Variants in PTP4A1 observed in about 807,000 individuals in gnomAD.
The protein encoded by PTP4A1 is protein tyrosine phosphatase 4A1, also known as protein tyrosine phosphatase type IVA 1.
A neutral mutation model predicts 20.5 loss-of-function variants in PTP4A1; 9 were observed. The observed-to-expected ratio is 0.44, with a 90% CI of 0.26 to 0.77. The LOEUF is 0.77. Ranked by LOEUF, PTP4A1 falls within the 30% of genes least tolerant of loss-of-function variation. PTP4A1 has a pLI of 0.19. For synonymous variants in PTP4A1, 78 were observed against 67.4 expected (o/e 1.16, Z -0.77); for missense variants, 137 against 218.8 (o/e 0.63, Z 2.36).
At chr6:63,558,771 C>T (rs1776798876) in intron 3 of PTP4A1, among the ~76,000 whole-genome samples, 1 of 152,174 alleles carries the variant, frequency 6.6e-6, no homozygotes, top group Admixed American at 6.5e-5. Flanking sequence ...AGGAAATATT[C>T]TTTAAAATAC....
intron 2 of PTP4A1, chr6:63,549,076 T>A (rs1017267981): frequency 8.4e-6 from 6 of 714,250 alleles, no homozygotes. Flanking sequence ...TCTAGCAAGG[T>A]GGTGATGGTG....
intron 5 of PTP4A1, 40 bp from the exon 6 acceptor site, chr6:63,580,017 G>A: frequency 7.0e-7 from 1 of 1,434,264 alleles, no homozygotes; most frequent in Non-Finnish European, 9.7e-7. Flanking sequence ...ACTGTAGGGG[G>A]CTTTTGCCTT....
In PTP4A1 at chr6:63,555,989, C is replaced by A. The variant is rs112692666; in HGVS notation, c.-446+5496C>A. ...TATAGGAGTGAGCCACCGTACCTGG[C>A]CTCAATTAAACTTTAATATTATTCA... On this transcript the variant is annotated intron_variant, in intron 3 of 3. Transcript: ENST00000639568. Among the ~76,000 whole-genome samples, 903 of 151,966 alleles carry A rather than the reference C, an allele frequency of 5.9e-3. 11 individuals are homozygous for A. Among genetic ancestry groups the A allele is most frequent in the African/African-American group, 0.02 (841 of 41,468 alleles).
chr6:63,563,513 G>C (rs1382845856), intron 3 of PTP4A1, among the ~76,000 whole-genome samples: 1 of 152,180 alleles, frequency 6.6e-6, no homozygotes, highest in Non-Finnish European at 1.5e-5. Flanking sequence ...ACTGTCTAAA[G>C]TAAGTCACCC....
chr6:63,554,613 C>A (rs1389428694), intron 3 of PTP4A1, among the ~76,000 whole-genome samples: 1 of 152,128 alleles, frequency 6.6e-6, no homozygotes, highest in African/African-American at 2.4e-5. Flanking sequence ...GCCTGGCCAA[C>A]ATGGTGAAAC....
chr6:63,528,772 C>A (rs1775306606), intron 2 of PTP4A1, among the ~76,000 whole-genome samples: 1 of 150,926 alleles, frequency 6.6e-6, no homozygotes, highest in African/African-American at 2.4e-5. Context: ...CAAAAAAAAG[C>A]AAGGTTTAAT....
At chr6:63,566,809 C>A (rs990117820) in intron 3 of PTP4A1, among the ~76,000 whole-genome samples, 2 of 152,200 alleles carry the variant, frequency 1.3e-5, no homozygotes, top group African/African-American at 4.8e-5. Context: ...GTATTTTACA[C>A]ACAAGAGAAC....
In PTP4A1 at chr6:63,576,835, T is replaced by G. The variant is rs1777894790; in HGVS notation, c.-46T>G. The G allele has an allele frequency of 3.4e-6, 5 of 1,481,820 alleles. No individual in the cohort carries two copies. The African/African-American group carries it at 5.7e-5, about 17-fold the overall frequency. 91.8% of individuals were successfully genotyped at this position (1,481,820 alleles called of 1,614,324 possible). ...TTGCATCATTTCTGTATTCAATTTT[T>G]TTAATTATTTCATAACCCTATTGAG... On this transcript the variant is annotated 5_prime_UTR_variant, in exon 2 of 6. Coordinates refer to ENST00000626021, the MANE Select transcript of PTP4A1 (RefSeq NM_003463.5).
intron 2 of PTP4A1, among the ~76,000 whole-genome samples, chr6:63,533,789 A>G (rs914114706): frequency 2.7e-4 from 41 of 152,220 alleles, no homozygotes; most frequent in African/African-American, 9.4e-4. Flanking sequence ...GATTTTTTTT[A>G]AAGTTACACA....
rs1581953681 is a variant in PTP4A1 at position 63,582,150 on chromosome 6, T to C, written c.*1976T>C. Reference sequence around the variant, plus strand: ...TATTTAAATCTTGGATTATTTGTGATAGTAATCACAAATTTTTGGCTAATT... The same window carrying C: ...TATTTAAATCTTGGATTATTTGTGACAGTAATCACAAATTTTTGGCTAATT... On this transcript the variant is annotated 3_prime_UTR_variant, in exon 6 of 6. Transcript: ENST00000626021. 6.6e-6 allele frequency: 1 copy of C among 152,060 alleles called. No homozygotes were observed. Among genetic ancestry groups the C allele is most frequent in the Admixed American group, 6.6e-5 (1 of 15,266 alleles). 9.4% of individuals were successfully genotyped at this position (152,060 alleles called of 1,614,324 possible). A position where few individuals can be genotyped will look rare whatever the true frequency, so the allele number is the denominator to read the frequency against.
intron 1 of PTP4A1, among the ~76,000 whole-genome samples, chr6:63,523,221 T>C (rs186704137): frequency 1.8e-4 from 27 of 152,256 alleles, no homozygotes; most frequent in African/African-American, 6.3e-4. Context: ...AAAACAACTA[T>C]AAAGTAAGTG....
chr6:63,557,765 T>C (rs1176732543), intron 3 of PTP4A1, among the ~76,000 whole-genome samples: 1 of 152,140 alleles, frequency 6.6e-6, no homozygotes, highest in Non-Finnish European at 1.5e-5. Flanking sequence ...GTCATGATCT[T>C]GAAGGGTCTT....
intron 2 of PTP4A1, chr6:63,550,254 T>G (rs547303882): frequency 6.6e-6 from 1 of 152,028 alleles, no homozygotes; most frequent in Non-Finnish European, 1.5e-5. Context: ...AATGGCAGTG[T>G]GAAAAAAAGA....
Position 63,580,181 on chromosome 6 carries a change from G to A in PTP4A1, c.*7G>A. 6.3e-7 allele frequency: 1 copy of A among 1,585,990 alleles called. No individual in the cohort carries two copies. Among genetic ancestry groups the A allele is most frequent in the Admixed American group, 1.7e-5 (1 of 59,832 alleles). On this transcript the variant is annotated 3_prime_UTR_variant, in exon 6 of 6. Coordinates refer to ENST00000626021, the MANE Select transcript of PTP4A1 (RefSeq NM_003463.5). ...CAACTGTTGCATTCAATAAAATTGG[G>A]GTGCCTAATGCTACTGGAAGTGGAA... is the stretch of plus-strand genomic sequence containing the variant.
upstream of PTP4A1, among the ~76,000 whole-genome samples, chr6:63,569,949 G>A (rs1777348910): frequency 1.3e-5 from 2 of 152,194 alleles, no homozygotes; most frequent in South Asian, 2.1e-4. Context: ...TGTTCTCCAA[G>A]AATCTGCAGC....
chr6:63,519,815 T>C (rs182234552), upstream of PTP4A1, among the ~76,000 whole-genome samples: 1 of 152,316 alleles, frequency 6.6e-6, no homozygotes, highest in Admixed American at 6.5e-5. Flanking sequence ...GAAAGCAATA[T>C]AGAATTTTAG....
At chr6:63,571,985 G>A (rs951347201), upstream of PTP4A1, 35 of 152,320 alleles carry the variant, frequency 2.3e-4, no homozygotes, top group African/African-American at 7.7e-4. Context: ...GGTACTCGGG[G>A]CCCAGGTGCC....
At position 63,582,067 on chromosome 6, in the gene PTP4A1, T is replaced by G. The variant is rs1036575192; in HGVS notation, c.*1893T>G. On this transcript the variant is annotated 3_prime_UTR_variant, in exon 6 of 6. Coordinates refer to ENST00000626021, the MANE Select transcript of PTP4A1 (RefSeq NM_003463.5). ...TCATACCAGTTTAACACTTAATATA[T>G]TTCATTGGATTTTAGACAGGGCAAA... 4.6e-5 allele frequency: 7 copies of G among 152,140 alleles called. No homozygotes were observed. The highest frequency in any genetic ancestry group is 1.7e-4 in the African/African-American group (7 of 41,450). 9.4% of individuals were successfully genotyped at this position (152,140 alleles called of 1,614,324 possible).
intron 2 of PTP4A1, among the ~76,000 whole-genome samples, chr6:63,547,806 C>T (rs887405723): frequency 6.6e-6 from 1 of 152,126 alleles, no homozygotes; most frequent in Non-Finnish European, 1.5e-5. Context: ...CCACTGCGCC[C>T]GGCCCAGGGG....
Sources: gnomAD v4.1 joint callset for allele counts (sites outside exome capture counted in the v4.1 genomes callset) on GRCh38, gnomAD v4.1.1 for gene constraint, MANE v1.5 for transcripts, NCBI Gene and HGNC (gene_info 2026-07-23, HGNC 2026-07-21) for gene names.